NBEAL1: variants seen among roughly 807,000 people sequenced by gnomAD.
NBEAL1 encodes the protein neurobeachin-like protein 1.
NBEAL1 carries 273 observed loss-of-function variants against 351.3 expected under a neutral mutation model. The observed-to-expected ratio is 0.78, with a 90% CI of 0.70 to 0.86. The LOEUF (loss-of-function observed/expected upper bound fraction) is 0.86, where lower values mean the gene tolerates loss of function less well. Ranked by LOEUF, NBEAL1 falls within the 40% of genes least tolerant of loss-of-function variation. The probability of loss-of-function intolerance (pLI) is 0.00; values close to 1 mark genes in which losing one functional copy is unlikely to be tolerated. For missense variants in NBEAL1, 2,961 were observed against 3,201.3 expected (o/e 0.92, Z 1.81); for synonymous variants, 1,050 against 1,086.4 (o/e 0.97, Z 0.66).
chr2:203,091,680 G>T (rs1345228142), intron 10 of NBEAL1, among the ~76,000 whole-genome samples: 1 of 152,070 alleles, frequency 6.6e-6, no homozygotes, highest in Non-Finnish European at 1.5e-5. Flanking sequence ...TGGGTATGAG[G>T]TAGTATTTCA....
chr2:203,143,307 C>G (rs1003502570), intron 31 of NBEAL1, among the ~76,000 whole-genome samples: 1 of 148,008 alleles, frequency 6.8e-6, no homozygotes, highest in Admixed American at 6.6e-5. Flanking sequence ...GGGCTTGTGC[C>G]CTGACTATGT....
intron 31 of NBEAL1, among the ~76,000 whole-genome samples, chr2:203,144,327 T>C (rs971026558): frequency 2.0e-5 from 3 of 152,138 alleles, no homozygotes; most frequent in African/African-American, 7.2e-5. Context: ...CTGTGGGAAT[T>C]GCACTTTGAG....
chr2:203,150,462 AC>A lies in NBEAL1; in HGVS notation c.5463-1000del, dbSNP rs565904868. On this transcript the variant is annotated intron_variant, in intron 34 of 55. Transcript: ENST00000683969. ...AATATATATATATATCGAATAATAG[AC>A]CCTGATCATATATATGATTTTCAGG... Among the ~76,000 whole-genome samples the A allele has an allele frequency of 2.1e-3, 323 of 152,010 alleles. 3 individuals carry two copies. The highest frequency in any genetic ancestry group is 2.7e-3 in the Non-Finnish European group (186 of 67,964).
chr2:203,141,341 G>GATT (rs1245124579), intron 31 of NBEAL1, among the ~76,000 whole-genome samples: 3,946 of 38,518 alleles, frequency 0.1, 579 homozygotes, highest in Middle Eastern at 0.18. Context: ...AGATAAGACA[G>GATT]ATTATTATTA....
chr2:203,119,424 C>CTTTTTT (rs57126638), intron 18 of NBEAL1, among the ~76,000 whole-genome samples: 38,353 of 65,860 alleles, frequency 0.58, 14,887 homozygotes, highest in South Asian at 0.75. Flanking sequence ...CGGCCTGTTG[C>CTTTTTT]TTTTTTTTTT....
At chr2:203,115,272 C>T (rs2062665534) in intron 17 of NBEAL1, among the ~76,000 whole-genome samples, 1 of 151,812 alleles carries the variant, frequency 6.6e-6, no homozygotes, top group African/African-American at 2.4e-5. Flanking sequence ...AGGCACCTGC[C>T]ACCACGCCCA....
rs1053164663 is a variant in NBEAL1 at position 203,219,051 on chromosome 2, G to T, written c.*1697G>T. 6.6e-6 allele frequency: 1 copy of T among 152,112 alleles called. No homozygotes were observed. The highest frequency in any genetic ancestry group is 2.4e-5 in the African/African-American group (1 of 41,420). The allele number at this position is 152,112 out of a possible 1,614,324, so 9.4% of individuals were successfully genotyped here. A position where few individuals can be genotyped will look rare whatever the true frequency, so the allele number is the denominator to read the frequency against. On this transcript the variant is annotated 3_prime_UTR_variant, in exon 56 of 56. Transcript: ENST00000683969. ...AGCAATAATTATGATGCATAAATGA[G>T]ACTGGCATCTATTCATTTATTTTAT...
intron 35 of NBEAL1, 151 bp downstream of exon 35, chr2:203,151,740 C>A (rs2063659166): frequency 7.2e-6 from 5 of 693,734 alleles, no homozygotes; most frequent in African/African-American, 3.7e-5. Context: ...TGTTTTCAGT[C>A]CTGTTACATT....
At chr2:203,123,035 C>T (rs1255665366) in intron 19 of NBEAL1, among the ~76,000 whole-genome samples, 2 of 150,932 alleles carry the variant, frequency 1.3e-5, no homozygotes, top group Non-Finnish European at 2.9e-5. Flanking sequence ...GAAGTTATAA[C>T]CTAAGTTAAA....
chr2:203,147,068 G>A (rs2063530984), intron 33 of NBEAL1, among the ~76,000 whole-genome samples: 2 of 152,156 alleles, frequency 1.3e-5, no homozygotes, highest in Admixed American at 1.3e-4. Context: ...CATATTCAGA[G>A]GCGAAAACCT....
rs1168942826 is a variant in NBEAL1, at chr2:203,083,269, A to G, written c.735A>G (p.Arg245=). ...CAGCCACTATGGAAGTTCTTATGCG[A>G]GTATTGGCAGATTGTGATTCCTGGG... ...ISPATMEVLM[R]VLADCDSWED... Residue 245 remains arginine (R), a synonymous_variant, in exon 9 of 56, where the codon CGA becomes CGG. Transcript: ENST00000683969. The G allele has an allele frequency of 6.4e-7, 1 of 1,552,292 alleles. No individual in the cohort carries two copies. The highest frequency in any genetic ancestry group is 1.2e-5 in the South Asian group (1 of 84,094).
In NBEAL1 at chr2:203,142,481, C is replaced by T. The variant is rs117835673; in HGVS notation, c.4849-2119C>T. On this transcript the variant is annotated intron_variant, in intron 31 of 55. Coordinates refer to ENST00000683969, the MANE Select transcript of NBEAL1 (RefSeq NM_001378026.1). ...TGGGCATCAGTATTTTTTGTAACTC[C>T]TCAGGTGACCCTAATGCAAGACTAT... 1.8e-4 allele frequency among the ~76,000 whole-genome samples: 27 copies of T among 152,114 alleles called. 1 individual carries two copies. The East Asian group carries it at 5.0e-3, about 28-fold the overall frequency.
At chr2:203,134,744 C>T (rs1161209465) in intron 27 of NBEAL1, among the ~76,000 whole-genome samples, 2 of 152,168 alleles carry the variant, frequency 1.3e-5, no homozygotes, top group Non-Finnish European at 2.9e-5. Context: ...ATTCTCATGT[C>T]ACTGTTTACT....
chr2:203,207,375 G>C (rs1201980243), intron 51 of NBEAL1, among the ~76,000 whole-genome samples: 1 of 152,160 alleles, frequency 6.6e-6, no homozygotes, highest in African/African-American at 2.4e-5. Flanking sequence ...GAAGTGAGGA[G>C]CCCCTCTGCC....
intron 10 of NBEAL1, chr2:203,085,692 G>A (rs755903762): frequency 9.2e-5 from 14 of 152,080 alleles, no homozygotes; most frequent in Non-Finnish European, 2.1e-4. Context: ...ATGATTTGGT[G>A]CCCTTTCAGG....
intron 51 of NBEAL1, among the ~76,000 whole-genome samples, chr2:203,204,196 G>T (rs1373267315): frequency 1.3e-5 from 2 of 149,746 alleles, no homozygotes; most frequent in African/African-American, 4.9e-5. Flanking sequence ...CAAAGTGCTG[G>T]GATTACAGGT....
intron 19 of NBEAL1, among the ~76,000 whole-genome samples, chr2:203,122,928 A>G (rs1027782361): frequency 6.6e-6 from 1 of 152,176 alleles, no homozygotes; most frequent in East Asian, 1.9e-4. Flanking sequence ...TATGCAACAA[A>G]TAAGTGTTGA....
At chr2:203,148,903 G>C in intron 33 of NBEAL1, 88 bp from the exon 34 acceptor site, 3 of 1,188,464 alleles carry the variant, frequency 2.5e-6, no homozygotes, top group Non-Finnish European at 3.3e-6. Context: ...AGATTTTATT[G>C]GTCAAAAATT....
chr2:203,185,995 T>C (rs1053030359), intron 44 of NBEAL1, among the ~76,000 whole-genome samples: 9 of 152,196 alleles, frequency 5.9e-5, no homozygotes, highest in East Asian at 3.8e-4. Context: ...ATGCAAAATA[T>C]ATTCACTTCC....
Sources: gnomAD v4.1 joint callset for allele counts (sites outside exome capture counted in the v4.1 genomes callset) on GRCh38, gnomAD v4.1.1 for gene constraint, MANE v1.5 for transcripts, NCBI Gene and HGNC (gene_info 2026-07-23, HGNC 2026-07-21) for gene names.